The following TPR variants were observed in gnomAD, a reference collection of about 807,000 sequenced individuals.
TPR encodes nucleoprotein TPR.
A neutral mutation model predicts 316.1 loss-of-function variants in TPR; 51 were observed. The observed-to-expected ratio is 0.16, with a 90% CI of 0.13 to 0.20. The LOEUF (loss-of-function observed/expected upper bound fraction) is 0.20. Among genes scored for constraint, TPR ranks in the 10% least tolerant of loss-of-function variants. TPR has a pLI of 1.00. For missense variants in TPR, 2,272 were observed against 2,754.8 expected, an observed-to-expected ratio of 0.82 and a Z score of 3.92; for synonymous variants, 981 against 914.7, an observed-to-expected ratio of 1.07 and a Z score of -1.31.
chr1:186,312,990 G>C lies in TPR; in HGVS notation c.*981C>G. On this transcript the variant is annotated 3_prime_UTR_variant, in exon 51 of 51. Transcript: ENST00000367478. Reference sequence around the variant, plus strand: ...GCTGGCTGCAATGATGACTGAATGTGAGAAGTTACACTACGGTACTTATTC... The same window carrying C: ...GCTGGCTGCAATGATGACTGAATGTCAGAAGTTACACTACGGTACTTATTC... 7.6e-7 allele frequency: 1 copy of C among 1,309,136 alleles called. No homozygotes were observed. The highest frequency in any genetic ancestry group is 1.1e-6 in the Non-Finnish European group (1 of 907,596). 81.1% of individuals were successfully genotyped at this position (1,309,136 alleles called of 1,614,324 possible).
At chr1:186,366,789 A>G (rs1028851770) in intron 4 of TPR, among the ~76,000 whole-genome samples, 1 of 152,094 alleles carries the variant, frequency 6.6e-6, no homozygotes, top group Non-Finnish European at 1.5e-5. Flanking sequence ...TCATTAAGCT[A>G]AAAAGCACTA....
At chr1:186,334,666 T>G (rs1658284612) in intron 35 of TPR, 133 bp from the exon 36 acceptor site, 1 of 961,446 alleles carries the variant, frequency 1.0e-6, no homozygotes, top group Non-Finnish European at 1.5e-6. Flanking sequence ...TGTTTTGAAT[T>G]TAAGCATTAA....
Position 186,313,984 on chromosome 1 carries a change from CCT to C in TPR, c.7077_7078del (p.Gly2360LysfsTer3), listed in dbSNP as rs1192429196. 3 of 1,611,728 alleles carry C rather than the reference CCT, an allele frequency of 1.9e-6. No individual in the cohort carries two copies. The highest frequency in any genetic ancestry group is 1.7e-5 in the Admixed American group (1 of 59,994). On this transcript the variant is annotated frameshift_variant, in exon 51 of 51. Transcript: ENST00000367478. LOFTEE classifies it high-confidence loss of function. Reference sequence around the variant, plus strand: ...TTTACAGACCATTTAATTAATATTTCCTCTGTTTATTCCTCCTCTCCCTCCCA... The same window carrying C: ...TTTACAGACCATTTAATTAATATTTCCTGTTTATTCCTCCTCTCCCTCCCA...
intron 4 of TPR, among the ~76,000 whole-genome samples, chr1:186,364,062 A>G (rs1659266712): frequency 6.6e-6 from 1 of 152,184 alleles, no homozygotes; most frequent in African/African-American, 2.4e-5. Flanking sequence ...AGTAAATTGC[A>G]TAATGCAGAA....
chr1:186,365,044 G>A (rs1484953411), intron 4 of TPR, among the ~76,000 whole-genome samples: 3 of 151,052 alleles, frequency 2.0e-5, no homozygotes, highest in Non-Finnish European at 4.4e-5. Flanking sequence ...CTCTGAATTG[G>A]TTCCACTCAT....
At chr1:186,335,647 A>G in intron 33 of TPR, 104 bp from the exon 34 acceptor site, 5 of 833,904 alleles carry the variant, frequency 6.0e-6, no homozygotes, top group Non-Finnish European at 9.1e-6. Context: ...TACTACTATA[A>G]CATCTACATT....
intron 35 of TPR, 45 bp downstream of exon 35, chr1:186,335,023 A>C (rs1271192750): frequency 1.3e-6 from 2 of 1,575,864 alleles, no homozygotes; most frequent in Non-Finnish European, 1.7e-6. Context: ...ATATTCCCTG[A>C]GCTTTAAAAG....
At chr1:186,353,591 T>G in intron 18 of TPR, 97 bp downstream of exon 18, 2 of 1,377,860 alleles carry the variant, frequency 1.5e-6, no homozygotes, top group Non-Finnish European at 2.0e-6. Context: ...ACTTCTTAAA[T>G]ACCTAAGTCC....
chr1:186,361,694 A>C lies in TPR; in HGVS notation c.886T>G (p.Ser296Ala), dbSNP rs756911707. 44 of 1,613,322 alleles carry C rather than the reference A, an allele frequency of 2.7e-5. No individual in the cohort carries two copies. The South Asian group carries it at 4.8e-4, about 18-fold the overall frequency. ...GTTAGTTCATTGCTCTTTGCTTCTGAGTCATCAGCGGCACTCTAAAAGTTA... is the reference window on the plus strand; with the variant it reads ...GTTAGTTCATTGCTCTTTGCTTCTGCGTCATCAGCGGCACTCTAAAAGTTA... ...SNLYKSAADDSEAKSNELTRA... is the reference protein window; with the variant it reads ...SNLYKSAADDAEAKSNELTRA... Residue 296 changes from serine (S) to alanine (A), a missense_variant, in exon 9 of 51, where the codon TCA becomes GCA. This residue lies in a region of TPR where 549 missense variants were observed against 598.6 expected (regional missense o/e 0.92). Coordinates refer to ENST00000367478, the MANE Select transcript of TPR (RefSeq NM_003292.3).
At position 186,327,127 on chromosome 1, in the gene TPR, C is replaced by T. The variant is rs5779282; in HGVS notation, c.5889+333G>A. On this transcript the variant is annotated intron_variant, in intron 40 of 50. Transcript: ENST00000367478. ...TATATAAATATATATAAATATATAA[C>T]ATATATATTATATATATAAATATAT... Among the ~76,000 whole-genome samples the T allele has an allele frequency of 8.1e-3, 30 of 3,702 alleles. 6 individuals carry two copies. The highest frequency in any genetic ancestry group is 0.25 in the Middle Eastern group (1 of 4). 2.4% of individuals were successfully genotyped at this position (3,702 alleles called of 152,430 possible). A position where few individuals can be genotyped will look rare whatever the true frequency, so the allele number is the denominator to read the frequency against.
At chr1:186,332,077 G>T (rs1658183483) in intron 38 of TPR, 118 bp downstream of exon 38, 3 of 1,091,960 alleles carry the variant, frequency 2.7e-6, no homozygotes, top group Admixed American at 3.0e-5. Flanking sequence ...TTCAATAAAA[G>T]TGTTTTCCAG....
intron 40 of TPR, among the ~76,000 whole-genome samples, chr1:186,327,172 AT>A (rs1194363954): frequency 3.9e-4 from 1 of 2,562 alleles, no homozygotes; most frequent in Non-Finnish European, 6.0e-4. Context: ...TAACATATAT[AT>A]TATATATATA....
In TPR at chr1:186,319,685, T is replaced by C. The variant is rs73046509; in HGVS notation, c.6568+627A>G. On this transcript the variant is annotated intron_variant, in intron 46 of 50. Coordinates refer to ENST00000367478, the MANE Select transcript of TPR (RefSeq NM_003292.3). Reference sequence around the variant, plus strand: ...GATTGAGCTTATTGTAATAGTAGTATGCATTCTCTATTCATTTACCAAGTG... The same window carrying C: ...GATTGAGCTTATTGTAATAGTAGTACGCATTCTCTATTCATTTACCAAGTG... Among the ~76,000 whole-genome samples the C allele has an allele frequency of 3.0e-3, 460 of 152,296 alleles. 3 individuals are homozygous for C. The highest frequency in any genetic ancestry group is 0.01 in the African/African-American group (435 of 41,576).
chr1:186,332,905 A>G (rs533119232), intron 37 of TPR, among the ~76,000 whole-genome samples: 1 of 152,290 alleles, frequency 6.6e-6, no homozygotes, highest in South Asian at 2.1e-4. Flanking sequence ...CATGAAATAA[A>G]ATGTTAGTAA....
At chr1:186,342,004 C>G (rs1658519802) in intron 27 of TPR, 1 of 151,594 alleles carries the variant, frequency 6.6e-6, no homozygotes, top group Admixed American at 6.6e-5. Flanking sequence ...GAGTCTCGCT[C>G]TGTCGCCCAG....
At chr1:186,367,792 T>C (rs1659392790) in intron 4 of TPR, 94 bp downstream of exon 4, 1 of 800,392 alleles carries the variant, frequency 1.2e-6, no homozygotes, top group African/African-American at 1.7e-5. Flanking sequence ...AACAAAAAAA[T>C]ATCAGCAACA....
chr1:186,314,030 T>C lies in TPR; in HGVS notation c.7037-4A>G, dbSNP rs771027201. The C allele has an allele frequency of 4.4e-6, 7 of 1,608,712 alleles. No homozygotes were observed. In the South Asian group the frequency reaches 5.5e-5, roughly 13 times the overall value. ...CCTCCCATTGCATGGCTCACACCTGTAAAAGAAAAAAGAATCAAATTGAAT... is the reference window on the plus strand; with the variant it reads ...CCTCCCATTGCATGGCTCACACCTGCAAAAGAAAAAAGAATCAAATTGAAT... On this transcript the variant is annotated splice_polypyrimidine_tract_variant and splice_region_variant and intron_variant, in intron 50 of 50. Coordinates refer to ENST00000367478, the MANE Select transcript of TPR (RefSeq NM_003292.3).
Position 186,311,919 on chromosome 1 carries a change from A to G in TPR, c.*2052T>C. On this transcript the variant is annotated 3_prime_UTR_variant, in exon 51 of 51. Transcript: ENST00000367478. Reference sequence around the variant, plus strand: ...TCCAGTTTTAGTATATGTGCTGCCAAACTGAGCACTTGTCACTTTCAATTG... The same window carrying G: ...TCCAGTTTTAGTATATGTGCTGCCAGACTGAGCACTTGTCACTTTCAATTG... The G allele has an allele frequency of 1.8e-6, 1 of 540,818 alleles. No homozygotes were observed. Among genetic ancestry groups the G allele is most frequent in the South Asian group, 2.3e-5 (1 of 42,942 alleles). 33.5% of individuals were successfully genotyped at this position (540,818 alleles called of 1,614,324 possible).
intron 45 of TPR, 34 bp downstream of exon 45, chr1:186,322,279 TGATTA>T: frequency 6.5e-7 from 1 of 1,546,218 alleles, no homozygotes; most frequent in Non-Finnish European, 8.8e-7. Context: ...ACTAAAAGTT[TGATTA>T]GTTATAAAGT....
Sources: gnomAD v4.1 joint callset for allele counts (sites outside exome capture counted in the v4.1 genomes callset) on GRCh38, gnomAD v4.1.1 for gene constraint, gnomAD v4.1.1 regional missense constraint, MANE v1.5 for transcripts, NCBI Gene and HGNC (gene_info 2026-07-23, HGNC 2026-07-21) for gene names.